CD82: variants seen among roughly 807,000 people sequenced by gnomAD.
CD82 encodes CD82 antigen.
A neutral mutation model predicts 37.4 loss-of-function variants in CD82; 36 were observed. The ratio of observed to expected loss-of-function variants is 0.96; its 90% CI spans 0.74 to 1.27. The LOEUF (loss-of-function observed/expected upper bound fraction) is 1.27, where lower values mean the gene tolerates loss of function less well. Ranked by LOEUF, CD82 falls within the 50% of genes most tolerant of loss-of-function variation. The pLI is 0.00. For synonymous variants in CD82, 158 were observed against 137.4 expected (o/e 1.15, Z -1.05); for missense variants, 340 against 347.0 (o/e 0.98, Z 0.16).
At chr11:44,581,752 C>T (rs939917115) in intron 1 of CD82, among the ~76,000 whole-genome samples, 1 of 152,240 alleles carries the variant, frequency 6.6e-6, no homozygotes, top group African/African-American at 2.4e-5. Context: ...CCCTCAGGCC[C>T]TCTGGATCAT....
intron 6 of CD82, among the ~76,000 whole-genome samples, chr11:44,609,760 G>A (rs1853454197): frequency 6.6e-6 from 1 of 152,200 alleles, no homozygotes; most frequent in African/African-American, 2.4e-5. Context: ...GGGAGGAAGA[G>A]CAGCTGGAGC....
intron 2 of CD82, among the ~76,000 whole-genome samples, chr11:44,592,899 A>G (rs1256695975): frequency 6.6e-6 from 1 of 152,180 alleles, no homozygotes; most frequent in East Asian, 1.9e-4. Flanking sequence ...CTTTGCTTCC[A>G]TGCCGCTTGT....
At chr11:44,603,639 C>T (rs1307840003) in intron 4 of CD82, among the ~76,000 whole-genome samples, 2 of 152,234 alleles carry the variant, frequency 1.3e-5, no homozygotes, top group South Asian at 2.1e-4. Context: ...CCAGCACCCT[C>T]GCCCTCCAGG....
intron 3 of CD82, among the ~76,000 whole-genome samples, chr11:44,598,456 A>C (rs570361572): frequency 8.7e-5 from 8 of 91,922 alleles, no homozygotes; most frequent in South Asian, 3.9e-4. Flanking sequence ...CTTGTTGTCC[A>C]GTCTGGAGTG....
chr11:44,608,940 C>T (rs764692133), intron 6 of CD82, among the ~76,000 whole-genome samples: 16 of 151,972 alleles, frequency 1.1e-4, no homozygotes, highest in Non-Finnish European at 1.3e-4. Context: ...GGCACTCAGC[C>T]GGAGGCTGAT....
chr11:44,573,552 G>T (rs1852845300), intron 1 of CD82, among the ~76,000 whole-genome samples: 2 of 152,226 alleles, frequency 1.3e-5, no homozygotes, highest in African/African-American at 4.8e-5. Flanking sequence ...CAGGGAGGAT[G>T]TGTCCTCTAC....
chr11:44,598,099 A>G (rs753508159), intron 3 of CD82, among the ~76,000 whole-genome samples: 8 of 152,108 alleles, frequency 5.3e-5, no homozygotes, highest in Non-Finnish European at 1.2e-4. Context: ...TTCCGTGTGT[A>G]TAAAATGAGG....
Position 44,605,075 on chromosome 11 carries a change from C to T in CD82, c.154C>T (p.Leu52Phe). Residue 52 changes from leucine (L) to phenylalanine (F), a missense_variant, in exon 5 of 10, where the codon CTT becomes TTT. By Grantham distance (22) the Leu-to-Phe change is conservative. Coordinates refer to ENST00000227155, the MANE Select transcript of CD82 (RefSeq NM_002231.4). ...ISVLQTSSSS[L>F]RMGAYVFIGV... ...CCCCCTAGAAACCTCCTCCAGCTCG[C>T]TTAGGATGGGGGCCTATGTCTTCAT... 6.2e-7 allele frequency: 1 copy of T among 1,614,234 alleles called. No individual in the cohort carries two copies. The highest frequency in any genetic ancestry group is 8.5e-7 in the Non-Finnish European group (1 of 1,180,038).
chr11:44,598,392 T>G (rs1853258213), intron 3 of CD82, among the ~76,000 whole-genome samples: 1 of 142,400 alleles, frequency 7.0e-6, no homozygotes, highest in African/African-American at 2.6e-5. Context: ...CATGGATTTT[T>G]GGCCTTAATT....
intron 2 of CD82, 65 bp from the exon 3 acceptor site, chr11:44,594,578 T>C: frequency 1.0e-6 from 1 of 989,426 alleles, no homozygotes; most frequent in Non-Finnish European, 1.6e-6. Context: ...ACCCACCTCC[T>C]GGGGTTGCTG....
chr11:44,577,118 G>A (rs1020119306), intron 1 of CD82, among the ~76,000 whole-genome samples: 1 of 152,136 alleles, frequency 6.6e-6, no homozygotes, highest in Admixed American at 6.5e-5. Flanking sequence ...AGGCAAGATA[G>A]GGTAGTCCAG....
chr11:44,605,785 A>G lies in CD82; in HGVS notation c.336+356A>G, dbSNP rs369940177. Among the ~76,000 whole-genome samples the G allele has an allele frequency of 5.9e-5, 9 of 152,376 alleles. No individual in the cohort carries two copies. The East Asian group carries it at 1.7e-3, about 29-fold the overall frequency. On this transcript the variant is annotated intron_variant, in intron 6 of 9. Coordinates refer to ENST00000227155, the MANE Select transcript of CD82 (RefSeq NM_002231.4). ...TGCAAAGATTATTCGAGATTATCTGAGTGAAACACATAGCGCATGGCACCA... is the reference window on the plus strand; with the variant it reads ...TGCAAAGATTATTCGAGATTATCTGGGTGAAACACATAGCGCATGGCACCA...
chr11:44,589,566 C>T (rs543221860), intron 2 of CD82, among the ~76,000 whole-genome samples: 13 of 152,220 alleles, frequency 8.5e-5, no homozygotes, highest in Admixed American at 2.0e-4. Flanking sequence ...GCCCCAGCTC[C>T]GGGTCATTGA....
intron 4 of CD82, among the ~76,000 whole-genome samples, chr11:44,604,236 C>T (rs1389762040): frequency 6.6e-6 from 1 of 152,260 alleles, no homozygotes; most frequent in African/African-American, 2.4e-5. Context: ...CAGCAACTGG[C>T]ACAGTGCCTG....
intron 3 of CD82, among the ~76,000 whole-genome samples, chr11:44,595,885 C>G (rs1042636634): frequency 1.1e-5 from 1 of 87,488 alleles, no homozygotes; most frequent in Non-Finnish European, 2.0e-5. Flanking sequence ...GCTTGGGCAA[C>G]ATAGCAAGAC....
In CD82 at chr11:44,619,175, C is replaced by T. The variant is rs1282439235; in HGVS notation, c.*49C>T. On this transcript the variant is annotated 3_prime_UTR_variant, in exon 10 of 10. Transcript: ENST00000227155. The stretch of plus-strand genomic sequence containing the variant: ...TGCCTGGCCCCCAACCTCAGGGCTC[C>T]CAGGGGTCTCCCTGGCTCCCTCCTC... 1 of 1,463,396 alleles carries T rather than the reference C, an allele frequency of 6.8e-7. No individual in the cohort carries two copies. The highest frequency in any genetic ancestry group is 1.4e-5 in the African/African-American group (1 of 72,020). 90.7% of individuals were successfully genotyped at this position (1,463,396 alleles called of 1,614,324 possible).
At chr11:44,574,097 G>C (rs756094684) in intron 1 of CD82, among the ~76,000 whole-genome samples, 1 of 152,128 alleles carries the variant, frequency 6.6e-6, no homozygotes. Flanking sequence ...CTGCTGGGGG[G>C]TCAGCAGAAG....
intron 1 of CD82, among the ~76,000 whole-genome samples, chr11:44,570,980 T>C (rs1337055175): frequency 1.3e-5 from 2 of 152,182 alleles, no homozygotes; most frequent in Non-Finnish European, 2.9e-5. Context: ...CTCTCCCCTC[T>C]GACCTCCTAC....
intron 3 of CD82, among the ~76,000 whole-genome samples, chr11:44,598,775 C>T (rs1853265986): frequency 6.6e-6 from 1 of 152,224 alleles, no homozygotes; most frequent in African/African-American, 2.4e-5. Flanking sequence ...ACCCTGTGCC[C>T]AGGCCAGCCC....
Sources: gnomAD v4.1 joint callset for allele counts (sites outside exome capture counted in the v4.1 genomes callset) on GRCh38, gnomAD v4.1.1 for gene constraint, MANE v1.5 for transcripts, NCBI Gene and HGNC (gene_info 2026-07-23, HGNC 2026-07-21) for gene names.